The following PRPS1 variants were observed in gnomAD, a reference collection of about 807,000 sequenced individuals.
The protein encoded by PRPS1 is phosphoribosyl pyrophosphate synthetase 1, also known as ribose-phosphate pyrophosphokinase 1.
PRPS1 carries 1 observed loss-of-function variant against 16.9 expected under a neutral mutation model. That is an observed-to-expected ratio of 0.06 (90% confidence interval 0.02 to 0.28). The LOEUF is 0.28. Ranked by LOEUF, PRPS1 falls within the 10% of genes least tolerant of loss-of-function variation. The probability of loss-of-function intolerance (pLI) is 1.00; values close to 1 mark genes in which losing one functional copy is unlikely to be tolerated. For missense variants in PRPS1, 47 were observed against 254.0 expected (o/e 0.19, Z 5.54); for synonymous variants, 70 against 90.2 (o/e 0.78, Z 1.27).
chrX:107,644,034 C>T (rs959926464), intron 4 of PRPS1, among the ~76,000 whole-genome samples: 4 of 112,028 alleles, frequency 3.6e-5, no homozygotes, highest in East Asian at 2.8e-4. Context: ...TCACACATGA[C>T]GGAGATGGCA....
At chrX:107,629,302 C>A (rs1925258398) in intron 1 of PRPS1, among the ~76,000 whole-genome samples, 2 of 111,708 alleles carry the variant, frequency 1.8e-5, no homozygotes, top group Admixed American at 1.9e-4. Context: ...TTACGACTTC[C>A]CTTAGATCAG....
chrX:107,645,524 AT>A (rs956881480), intron 5 of PRPS1, among the ~76,000 whole-genome samples, 174 bp downstream of exon 5: 5 of 109,576 alleles, frequency 4.6e-5, no homozygotes, highest in African/African-American at 1.3e-4. Flanking sequence ...GAGTACTCTT[AT>A]TTTTTTTTCA....
At chrX:107,630,725 T>A (rs1261648398) in intron 1 of PRPS1, among the ~76,000 whole-genome samples, 1 of 102,594 alleles carries the variant, frequency 9.7e-6, no homozygotes, top group Non-Finnish European at 1.9e-5. Flanking sequence ...CTTGGCTGTC[T>A]GGTTATTTAG....
chrX:107,649,116 ACT>A (rs1365982674), intron 6 of PRPS1, among the ~76,000 whole-genome samples: 1 of 107,164 alleles, frequency 9.3e-6, no homozygotes, highest in Non-Finnish European at 1.9e-5. Context: ...ACAGGGTCTC[ACT>A]CTGTTGCCTA....
At chrX:107,635,230 T>C (rs1436987626) in intron 1 of PRPS1, among the ~76,000 whole-genome samples, 1 of 112,323 alleles carries the variant, frequency 8.9e-6, no homozygotes, top group Non-Finnish European at 1.9e-5. Context: ...TCATTTGTTC[T>C]CCAACTTTTA....
intron 5 of PRPS1, among the ~76,000 whole-genome samples, chrX:107,646,552 T>G (rs753480352): frequency 1.8e-5 from 2 of 112,402 alleles, no homozygotes; most frequent in East Asian, 5.6e-4. Flanking sequence ...ACCCATTTCA[T>G]CCTTGTACAA....
chrX:107,649,574 C>T (rs1275193664), intron 6 of PRPS1, among the ~76,000 whole-genome samples: 1 of 112,289 alleles, frequency 8.9e-6, no homozygotes, highest in Non-Finnish European at 1.9e-5. Flanking sequence ...CATGCCTCAG[C>T]CTCCCGAGTA....
chrX:107,628,824 G>T, intron 1 of PRPS1, 74 bp downstream of exon 1: 1 of 1,187,025 alleles, frequency 8.4e-7, no homozygotes, highest in Non-Finnish European at 1.1e-6. Flanking sequence ...TGGGGTCGCC[G>T]CTTGAGCTCA....
intron 6 of PRPS1, among the ~76,000 whole-genome samples, chrX:107,648,916 C>T (rs796961453): frequency 9.0e-5 from 10 of 110,625 alleles, no homozygotes; most frequent in Non-Finnish European, 1.7e-4. Context: ...TGTGCCACCA[C>T]GCCTGACTAA....
chrX:107,649,409 G>A (rs939759759), intron 6 of PRPS1, among the ~76,000 whole-genome samples: 8 of 109,987 alleles, frequency 7.3e-5, no homozygotes, highest in Non-Finnish European at 1.3e-4. Context: ...CAAAGTCAGC[G>A]TTTTTTCTCA....
At chrX:107,634,839 T>G (rs1925395081) in intron 1 of PRPS1, among the ~76,000 whole-genome samples, 2 of 107,249 alleles carry the variant, frequency 1.9e-5, no homozygotes, top group Admixed American at 2.0e-4. Flanking sequence ...TTTTTTGTTT[T>G]TTTTTTTTTT....
chrX:107,636,077 A>C (rs1305788171), intron 1 of PRPS1, among the ~76,000 whole-genome samples: 1 of 103,694 alleles, frequency 9.6e-6, no homozygotes, highest in Non-Finnish European at 2.0e-5. Context: ...AAAAAAAAAA[A>C]CTGAAAACGT....
At chrX:107,637,832 A>G (rs1385027305) in intron 1 of PRPS1, among the ~76,000 whole-genome samples, 2 of 109,500 alleles carry the variant, frequency 1.8e-5, no homozygotes, top group Non-Finnish European at 1.9e-5. Flanking sequence ...CTGTTCTTAG[A>G]CCTTATTGTC....
intron 3 of PRPS1, among the ~76,000 whole-genome samples, chrX:107,641,827 ACTC>A (rs1316002533): frequency 1.8e-5 from 2 of 112,296 alleles, no homozygotes; most frequent in Non-Finnish European, 3.8e-5. Flanking sequence ...CAGGGACTGT[ACTC>A]CTTTTATGGA....
chrX:107,632,788 A>G (rs1457210775), intron 1 of PRPS1, among the ~76,000 whole-genome samples: 1 of 112,693 alleles, frequency 8.9e-6, no homozygotes, highest in Non-Finnish European at 1.9e-5. Flanking sequence ...TAAGATTTTT[A>G]GAGGACTTGT....
At chrX:107,634,388 A>ATTT (rs1293955825) in intron 1 of PRPS1, among the ~76,000 whole-genome samples, 1 of 93,267 alleles carries the variant, frequency 1.1e-5, no homozygotes. Flanking sequence ...CTAATGGCTA[A>ATTT]TTTTTTTTTT....
rs749321336 is a variant in PRPS1, at chrX:107,642,261, A to G, written c.406-105A>G. The G allele has an allele frequency of 5.6e-6, 6 of 1,078,040 alleles. No homozygotes were observed. In the East Asian group the frequency reaches 1.5e-4, roughly 28 times the overall value. 88.8% of individuals were successfully genotyped at this position (1,078,040 alleles called of 1,213,427 possible). A position where few individuals can be genotyped will look rare whatever the true frequency, so the allele number is the denominator to read the frequency against. On this transcript the variant is annotated intron_variant, in intron 3 of 6. Transcript: ENST00000372435. ...TGGGCCTGCCTTCCCATCAGTTTGA[A>G]TGTTGCAGTAAGACATTCTCTGAGC...
At chrX:107,641,499 G>T (rs1292673905) in intron 3 of PRPS1, among the ~76,000 whole-genome samples, 1 of 111,196 alleles carries the variant, frequency 9.0e-6, no homozygotes, top group African/African-American at 3.3e-5. Context: ...GGGATTACAG[G>T]CACCTGACAC....
chrX:107,644,719 T>A (rs1925651392), intron 4 of PRPS1, among the ~76,000 whole-genome samples: 1 of 112,167 alleles, frequency 8.9e-6, no homozygotes, highest in Non-Finnish European at 1.9e-5. Flanking sequence ...GAGAAGTCAA[T>A]GATAGTTGCT....
Sources: gnomAD v4.1 joint callset for allele counts (sites outside exome capture counted in the v4.1 genomes callset) on GRCh38, gnomAD v4.1.1 for gene constraint, MANE v1.5 for transcripts, NCBI Gene and HGNC (gene_info 2026-07-23, HGNC 2026-07-21) for gene names.